The following PPFIBP2 variants were observed in gnomAD, a reference collection of about 807,000 sequenced individuals.
PPFIBP2 encodes PPFIB scaffold protein 2.
A neutral mutation model predicts 118.3 loss-of-function variants in PPFIBP2; 118 were observed. The observed-to-expected ratio is 1.00, with a 90% CI of 0.86 to 1.16. The LOEUF is 1.16. Ranked by LOEUF, PPFIBP2 falls within the 50% of genes most tolerant of loss-of-function variation. PPFIBP2 has a pLI of 0.00. For missense variants in PPFIBP2, 1,195 were observed against 1,073.1 expected (o/e 1.11, Z -1.59); for synonymous variants, 414 against 397.4 (o/e 1.04, Z -0.50).
At chr11:7,551,779 G>C (rs556496203) in intron 2 of PPFIBP2, among the ~76,000 whole-genome samples, 6 of 152,330 alleles carry the variant, frequency 3.9e-5, no homozygotes, top group African/African-American at 1.4e-4. Flanking sequence ...TCTGACTCCT[G>C]ATTTCTCCAT....
intron 5 of PPFIBP2, 23 bp downstream of exon 5, chr11:7,597,696 C>T: frequency 3.2e-6 from 5 of 1,579,470 alleles, no homozygotes; most frequent in African/African-American, 1.3e-5. Context: ...GCACTGAAGG[C>T]CCTTGGGTGC....
chr11:7,581,731 C>T (rs193152524), intron 3 of PPFIBP2, among the ~76,000 whole-genome samples: 1 of 152,152 alleles, frequency 6.6e-6, no homozygotes, highest in Non-Finnish European at 1.5e-5. Context: ...ATTCCTTGGG[C>T]TCATATCTCA....
intron 1 of PPFIBP2, among the ~76,000 whole-genome samples, chr11:7,545,011 A>C (rs1037938192): frequency 2.6e-5 from 4 of 152,184 alleles, no homozygotes; most frequent in Admixed American, 2.6e-4. Context: ...AACGCACTGC[A>C]TGTCATCAGA....
intron 1 of PPFIBP2, among the ~76,000 whole-genome samples, chr11:7,532,812 G>A (rs908691537): frequency 2.6e-5 from 4 of 152,214 alleles, no homozygotes; most frequent in Admixed American, 2.0e-4. Flanking sequence ...AAGGGGAAAA[G>A]CATTGCATTG....
At chr11:7,603,455 T>G (rs1846930727) in intron 5 of PPFIBP2, among the ~76,000 whole-genome samples, 1 of 152,208 alleles carries the variant, frequency 6.6e-6, no homozygotes, top group Non-Finnish European at 1.5e-5. Flanking sequence ...CCTGGGCCTT[T>G]TACTTCAAAG....
chr11:7,610,745 A>G (rs1287489862), intron 6 of PPFIBP2, among the ~76,000 whole-genome samples: 1 of 152,182 alleles, frequency 6.6e-6, no homozygotes, highest in Non-Finnish European at 1.5e-5. Context: ...AACCAAGGAA[A>G]TGACGACGTA....
At chr11:7,628,230 C>T (rs1424273211) in intron 8 of PPFIBP2, 55 bp from the exon 9 acceptor site, 22 of 1,461,480 alleles carry the variant, frequency 1.5e-5, no homozygotes, top group South Asian at 9.5e-5. Flanking sequence ...ATAGCAAGTG[C>T]GGATAGCTGT....
At chr11:7,650,527 C>A (rs1304044951) in intron 21 of PPFIBP2, among the ~76,000 whole-genome samples, 1 of 152,204 alleles carries the variant, frequency 6.6e-6, no homozygotes, top group Non-Finnish European at 1.5e-5. Context: ...CTTTAAAGTT[C>A]TGTTGAATCA....
At chr11:7,611,283 A>G (rs1848043879) in intron 6 of PPFIBP2, among the ~76,000 whole-genome samples, 1 of 152,198 alleles carries the variant, frequency 6.6e-6, no homozygotes, top group Non-Finnish European at 1.5e-5. Flanking sequence ...TAAAATCGTG[A>G]AAGTTAAGTA....
At chr11:7,529,737 T>C (rs1215719705) in intron 1 of PPFIBP2, among the ~76,000 whole-genome samples, 1 of 152,194 alleles carries the variant, frequency 6.6e-6, no homozygotes, top group Admixed American at 6.5e-5. Context: ...TACCTGCCCC[T>C]GGGATGGCCC....
chr11:7,562,854 C>G (rs1222235014), intron 2 of PPFIBP2, among the ~76,000 whole-genome samples: 1 of 147,420 alleles, frequency 6.8e-6, no homozygotes, highest in South Asian at 2.2e-4. Context: ...CTTCCCTCAT[C>G]TAGTATTTAT....
At chr11:7,660,638 G>C (rs961473108), downstream of PPFIBP2, among the ~76,000 whole-genome samples, 1 of 144,946 alleles carries the variant, frequency 6.9e-6, no homozygotes, top group African/African-American at 2.5e-5. Flanking sequence ...CCAGGTTTTG[G>C]TATCAGAATG....
intron 1 of PPFIBP2, among the ~76,000 whole-genome samples, chr11:7,542,362 T>C (rs999588766): frequency 4.6e-5 from 7 of 152,240 alleles, no homozygotes; most frequent in African/African-American, 1.7e-4. Flanking sequence ...GCACTGTGCC[T>C]GCCATGCCAC....
intron 16 of PPFIBP2, 34 bp downstream of exon 16, chr11:7,641,654 T>C: frequency 1.9e-6 from 3 of 1,605,844 alleles, no homozygotes; most frequent in Non-Finnish European, 2.6e-6. Context: ...ATTATATTGC[T>C]TAGAATTTTT....
intron 5 of PPFIBP2, among the ~76,000 whole-genome samples, chr11:7,606,470 A>G (rs141832272): frequency 1.7e-4 from 26 of 152,326 alleles, no homozygotes; most frequent in South Asian, 1.2e-3. Flanking sequence ...AACAGTAATC[A>G]TGACAGGGGC....
At chr11:7,610,974 C>T (rs1369293739) in intron 6 of PPFIBP2, among the ~76,000 whole-genome samples, 4 of 152,180 alleles carry the variant, frequency 2.6e-5, no homozygotes, top group Middle Eastern at 3.2e-3. Context: ...CTGGAACATG[C>T]CAGACTCTTT....
chr11:7,629,508 TAAAGGAGATTGTG>T lies in PPFIBP2; in HGVS notation c.940_952del (p.Lys314TrpfsTer71). 1 of 1,613,816 alleles carries T rather than the reference TAAAGGAGATTGTG, an allele frequency of 6.2e-7. No individual in the cohort carries two copies. The highest frequency in any genetic ancestry group is 8.5e-7 in the Non-Finnish European group (1 of 1,179,902). On this transcript the variant is annotated frameshift_variant, in exon 10 of 24. Coordinates refer to ENST00000299492, the MANE Select transcript of PPFIBP2 (RefSeq NM_003621.5). LOFTEE classifies it high-confidence loss of function. The stretch of plus-strand genomic sequence containing the variant: ...GGGCTGTTAAACCAGTACCGGAAGG[TAAAGGAGATTGTG>T]ATGGTCACTCAAGGTAAGAGCAAGG...
At chr11:7,630,635 T>TG (rs1354920347) in intron 10 of PPFIBP2, among the ~76,000 whole-genome samples, 3 of 152,174 alleles carry the variant, frequency 2.0e-5, no homozygotes, top group Non-Finnish European at 4.4e-5. Flanking sequence ...TTTAAGATCA[T>TG]GGGTCAAGTC....
intron 3 of PPFIBP2, among the ~76,000 whole-genome samples, chr11:7,579,177 AC>A (rs1486098331): frequency 3.3e-5 from 5 of 151,972 alleles, no homozygotes; most frequent in Non-Finnish European, 7.4e-5. Context: ...GATAGTACAA[AC>A]CCCTCATTTA....
Sources: allele counts gnomAD v4.1 joint callset (sites outside exome capture counted in the v4.1 genomes callset), GRCh38; gene constraint gnomAD v4.1.1; transcripts MANE v1.5; gene names NCBI Gene and HGNC (gene_info 2026-07-23, HGNC 2026-07-21).